CERT1: variants seen among roughly 807,000 people sequenced by gnomAD.
CERT1 encodes ceramide transporter 1.
In CERT1, 31 loss-of-function variants were observed where a neutral mutation model predicts 87.9. The observed-to-expected ratio is 0.35, with a 90% CI of 0.27 to 0.48. The LOEUF (loss-of-function observed/expected upper bound fraction) is 0.48, where lower values mean the gene tolerates loss of function less well. Ranked by LOEUF, CERT1 falls within the 20% of genes least tolerant of loss-of-function variation. The pLI is 0.99. For synonymous variants in CERT1, 289 were observed against 250.9 expected (o/e 1.15, Z -1.44); for missense variants, 487 against 758.0 (o/e 0.64, Z 4.20).
chr5:75,395,413 A>C (rs1473350140), intron 11 of CERT1, among the ~76,000 whole-genome samples: 4 of 151,964 alleles, frequency 2.6e-5, no homozygotes, highest in African/African-American at 9.7e-5. Context: ...GGTGTGGTGG[A>C]ATGCCTGTAG....
intron 6 of CERT1, among the ~76,000 whole-genome samples, chr5:75,418,065 A>G (rs1763217655): frequency 6.6e-6 from 1 of 152,218 alleles, no homozygotes; most frequent in South Asian, 2.1e-4. Context: ...CTGAAGCAGG[A>G]CAATCACTTG....
intron 3 of CERT1, among the ~76,000 whole-genome samples, chr5:75,439,543 A>C (rs910580239): frequency 6.6e-5 from 10 of 152,056 alleles, no homozygotes; most frequent in African/African-American, 1.2e-4. Flanking sequence ...CCCTCCACCT[A>C]AACTACATTG....
intron 5 of CERT1, 55 bp from the exon 6 acceptor site, chr5:75,419,479 T>G: frequency 2.6e-6 from 3 of 1,168,192 alleles, no homozygotes; most frequent in Non-Finnish European, 2.5e-6. Flanking sequence ...AATTAATGTC[T>G]ATTCTTATGT....
At chr5:75,420,420 T>C (rs1257375523) in intron 5 of CERT1, among the ~76,000 whole-genome samples, 1 of 150,904 alleles carries the variant, frequency 6.6e-6, no homozygotes, top group Non-Finnish European at 1.5e-5. Context: ...CTCGGCTCAC[T>C]GCAAGCTCCA....
chr5:75,493,848 A>T (rs1214052016), intron 2 of CERT1, among the ~76,000 whole-genome samples: 1 of 152,130 alleles, frequency 6.6e-6, no homozygotes, highest in Non-Finnish European at 1.5e-5. Context: ...ACTACCTTTA[A>T]AAAAACAAAA....
At chr5:75,371,710 TA>T (rs1365944924) in intron 17 of CERT1, 1 of 152,166 alleles carries the variant, frequency 6.6e-6, no homozygotes, top group Non-Finnish European at 1.5e-5. Flanking sequence ...ACATCACCAA[TA>T]TATTTCAAGT....
intron 11 of CERT1, among the ~76,000 whole-genome samples, chr5:75,390,110 G>C (rs1580703808): frequency 6.6e-6 from 1 of 152,228 alleles, no homozygotes; most frequent in South Asian, 2.1e-4. Context: ...GAGATATCAG[G>C]AAGGTCTGGT....
downstream of CERT1, chr5:75,373,507 G>A (rs1357918090): frequency 6.6e-6 from 1 of 152,138 alleles, no homozygotes. Flanking sequence ...ATATCTAGGG[G>A]AAGAAATAAA....
rs769638455 is a variant in CERT1 at position 75,511,442 on chromosome 5, A to AGCC, written c.-238_-236dup. 10 of 1,535,646 alleles carry AGCC rather than the reference A, an allele frequency of 6.5e-6. No homozygotes were observed. The highest frequency in any genetic ancestry group is 4.0e-4 in the Middle Eastern group (2 of 4,974). ...AAGGAAGCCTACCCTTCCAGCCGTC[A>AGCC]GCCGCCGCCGCCGTCGCCGTGACCC... On this transcript the variant is annotated 5_prime_UTR_variant, in exon 1 of 17. Transcript: ENST00000643780.
At position 75,412,925 on chromosome 5, in the gene CERT1, A is replaced by G. The variant is rs568594678; in HGVS notation, c.838-1822T>C. ...TTAAAAATGTTCTTCCTTCAATAAC[A>G]ACCTTAGCTTACTGTAACTTTTACT... is the stretch of plus-strand genomic sequence containing the variant. On this transcript the variant is annotated intron_variant, in intron 7 of 16. Coordinates refer to ENST00000643780, the MANE Select transcript of CERT1 (RefSeq NM_001379029.1). 2.4e-4 allele frequency among the ~76,000 whole-genome samples: 37 copies of G among 152,242 alleles called. 2 individuals are homozygous for G. In the South Asian group the frequency reaches 7.3e-3, roughly 30 times the overall value.
intron 1 of CERT1, among the ~76,000 whole-genome samples, chr5:75,509,388 C>G (rs1261488462): frequency 6.6e-6 from 1 of 152,084 alleles, no homozygotes; most frequent in Non-Finnish European, 1.5e-5. Context: ...CTGTATATAA[C>G]CATAAATTGG....
At chr5:75,372,246 T>A (rs965922213) in intron 17 of CERT1, 1 of 152,144 alleles carries the variant, frequency 6.6e-6, no homozygotes, top group African/African-American at 2.4e-5. Flanking sequence ...CAGAGAAACA[T>A]TTATAGTGCG....
In CERT1 at chr5:75,379,248, T is replaced by G. The variant is rs1346984165; in HGVS notation, c.*98A>C. 1.8e-6 allele frequency: 2 copies of G among 1,093,898 alleles called. No individual in the cohort carries two copies. The highest frequency in any genetic ancestry group is 2.7e-6 in the Non-Finnish European group (2 of 749,242). The allele number at this position is 1,093,898 out of a possible 1,614,324, so 67.8% of individuals were successfully genotyped here. ...CTCTATAGGGGAACATCAAAAAACATAGTAAATACTTTCAACAACTAAATT... is the reference window on the plus strand; with the variant it reads ...CTCTATAGGGGAACATCAAAAAACAGAGTAAATACTTTCAACAACTAAATT... On this transcript the variant is annotated 3_prime_UTR_variant, in exon 17 of 17. Transcript: ENST00000643780.
At chr5:75,428,399 C>T (rs1763712323) in intron 3 of CERT1, among the ~76,000 whole-genome samples, 1 of 152,084 alleles carries the variant, frequency 6.6e-6, no homozygotes, top group African/African-American at 2.4e-5. Context: ...AAATAGTTGG[C>T]CGGGTGCGGT....
At chr5:75,488,036 A>G (rs1276657089) in intron 2 of CERT1, among the ~76,000 whole-genome samples, 7 of 152,116 alleles carry the variant, frequency 4.6e-5, no homozygotes, top group Admixed American at 3.9e-4. Context: ...CAGAAAGTAC[A>G]ATGATGGTTA....
chr5:75,470,142 A>T (rs759625062), intron 2 of CERT1, among the ~76,000 whole-genome samples: 1 of 152,176 alleles, frequency 6.6e-6, no homozygotes, highest in East Asian at 1.9e-4. Flanking sequence ...CAATGGACAG[A>T]TCATCTAGAG....
At chr5:75,393,611 A>AAAAAAAAAAAAAAAAAAAAAAG (rs1762118327) in intron 11 of CERT1, among the ~76,000 whole-genome samples, 1 of 141,956 alleles carries the variant, frequency 7.0e-6, no homozygotes, top group Non-Finnish European at 1.5e-5. Flanking sequence ...TTAAAAAAAA[A>AAAAAAAAAAAAAAAAAAAAAAG]AAAAAAAAAA....
At chr5:75,413,731 T>A (rs1003580143) in intron 7 of CERT1, among the ~76,000 whole-genome samples, 4 of 151,196 alleles carry the variant, frequency 2.6e-5, no homozygotes, top group African/African-American at 9.7e-5. Flanking sequence ...GTGAACAACA[T>A]CAACAACACC....
chr5:75,463,385 T>G (rs1399579636), intron 2 of CERT1, among the ~76,000 whole-genome samples: 2 of 152,096 alleles, frequency 1.3e-5, no homozygotes, highest in Non-Finnish European at 2.9e-5. Flanking sequence ...AAGAACCAAG[T>G]ATCACCACCA....
Sources: allele counts gnomAD v4.1 joint callset (sites outside exome capture counted in the v4.1 genomes callset), GRCh38; gene constraint gnomAD v4.1.1; transcripts MANE v1.5; gene names NCBI Gene and HGNC (gene_info 2026-07-23, HGNC 2026-07-21).